Variants in NCAM1 observed in about 807,000 individuals in gnomAD.
NCAM1 encodes antigen recognized by monoclonal antibody 5.1H11.
In NCAM1, 14 loss-of-function variants were observed where a neutral mutation model predicts 109.8. The observed-to-expected ratio is 0.13, with a 90% CI of 0.08 to 0.20. NCAM1 has a LOEUF of 0.20. NCAM1 is among the 10% of genes least tolerant of loss of function. The pLI is 1.00. For synonymous variants in NCAM1, 418 were observed against 442.9 expected (o/e 0.94, Z 0.70); for missense variants, 774 against 1,109.9 (o/e 0.70, Z 4.30).
chr11:113,026,607 A>T (rs1952553437), intron 1 of NCAM1, among the ~76,000 whole-genome samples: 1 of 152,188 alleles, frequency 6.6e-6, no homozygotes, highest in Non-Finnish European at 1.5e-5. Context: ...AAGGTGCTGG[A>T]CACTTTAAAA....
intron 15 of NCAM1, among the ~76,000 whole-genome samples, chr11:113,250,820 G>A (rs1945655215): frequency 6.6e-6 from 1 of 152,170 alleles, no homozygotes; most frequent in Non-Finnish European, 1.5e-5. Flanking sequence ...TTTCTTTTGA[G>A]GCTGAGTCTC....
chr11:113,149,180 G>A (rs2136252841), intron 1 of NCAM1, among the ~76,000 whole-genome samples: 1 of 152,286 alleles, frequency 6.6e-6, no homozygotes, highest in Non-Finnish European at 1.5e-5. Context: ...GACCCGGGGT[G>A]GGGCCTGCCA....
At chr11:113,013,657 T>C (rs1458307236) in intron 1 of NCAM1, among the ~76,000 whole-genome samples, 1 of 152,152 alleles carries the variant, frequency 6.6e-6, no homozygotes, top group Non-Finnish European at 1.5e-5. Context: ...CAGGTTTGAC[T>C]CAGGATTTTA....
chr11:113,166,122 C>T (rs192967231), intron 1 of NCAM1, among the ~76,000 whole-genome samples: 287 of 152,258 alleles, frequency 1.9e-3, no homozygotes, highest in African/African-American at 6.4e-3. Flanking sequence ...TGAGCCACCG[C>T]GCCCGGGCAA....
intron 1 of NCAM1, among the ~76,000 whole-genome samples, chr11:113,108,597 A>T (rs1940275145): frequency 6.6e-6 from 1 of 152,122 alleles, no homozygotes; most frequent in South Asian, 2.1e-4. Context: ...TTCTTTGTTA[A>T]CCTGAAAGCA....
At chr11:113,121,537 CAAAAAAAAAAA>C (rs3051887) in intron 1 of NCAM1, among the ~76,000 whole-genome samples, 1 of 92,430 alleles carries the variant, frequency 1.1e-5, no homozygotes, top group Admixed American at 1.3e-4. Context: ...ACCAATCTTA[CAAAAAAAAAAA>C]AAAAAAAAAA....
At chr11:113,099,843 C>T (rs1939787797) in intron 1 of NCAM1, among the ~76,000 whole-genome samples, 2 of 152,152 alleles carry the variant, frequency 1.3e-5, no homozygotes, top group African/African-American at 4.8e-5. Context: ...CACATGCCAC[C>T]ATGCCCAGCT....
chr11:113,243,677 C>T (rs1287201068), intron 14 of NCAM1: 2 of 487,408 alleles, frequency 4.1e-6, no homozygotes, highest in South Asian at 1.5e-5. Context: ...CGTGCATGTT[C>T]ATAGTGTTCA....
At chr11:113,058,772 G>T (rs1256969855) in intron 1 of NCAM1, among the ~76,000 whole-genome samples, 14 of 152,158 alleles carry the variant, frequency 9.2e-5, no homozygotes, top group African/African-American at 3.1e-4. Flanking sequence ...AACTGCAACT[G>T]CTTTCATAGC....
intron 1 of NCAM1, among the ~76,000 whole-genome samples, chr11:113,050,677 G>T (rs1287421442): frequency 6.8e-6 from 1 of 146,472 alleles, no homozygotes; most frequent in African/African-American, 2.5e-5. Flanking sequence ...GTAAAAAAAT[G>T]TAGTTCGATA....
Position 113,117,999 on chromosome 11 carries a change from G to A in NCAM1, c.53-84380G>A, listed in dbSNP as rs1435060687. 1.8e-4 allele frequency among the ~76,000 whole-genome samples: 28 copies of A among 152,082 alleles called. 1 individual carries two copies. Among genetic ancestry groups the A allele is most frequent in the African/African-American group, 6.5e-4 (27 of 41,370 alleles). ...AGTGAAGTGATTAATAGCACGGATT[G>A]AAAGAAGTTATTTTAAAAAGTGCAT... On this transcript the variant is annotated intron_variant, in intron 1 of 19. Coordinates refer to ENST00000316851, the MANE Select transcript of NCAM1 (RefSeq NM_181351.5).
At chr11:113,115,735 T>G (rs2135988519) in intron 1 of NCAM1, among the ~76,000 whole-genome samples, 1 of 152,360 alleles carries the variant, frequency 6.6e-6, no homozygotes, top group Non-Finnish European at 1.5e-5. Context: ...AGGCTTTATT[T>G]ACATGCACTA....
intron 1 of NCAM1, among the ~76,000 whole-genome samples, chr11:113,100,144 T>A (rs2135851884): frequency 6.6e-6 from 1 of 152,298 alleles, no homozygotes; most frequent in South Asian, 2.1e-4. Flanking sequence ...TTTCATCTCT[T>A]AACTCATCCT....
intron 1 of NCAM1, among the ~76,000 whole-genome samples, chr11:113,099,440 C>T (rs1555091100): frequency 6.6e-6 from 1 of 152,184 alleles, no homozygotes; most frequent in Non-Finnish European, 1.5e-5. Context: ...GTTGTTCTCT[C>T]ACATTCGCCA....
intron 1 of NCAM1, among the ~76,000 whole-genome samples, chr11:113,196,347 G>A (rs546366969): frequency 6.4e-4 from 98 of 152,278 alleles, no homozygotes; most frequent in Non-Finnish European, 1.3e-3. Context: ...TATCTGAGAT[G>A]TTCTGACCAG....
chr11:113,212,573 A>C (rs1187235872), intron 7 of NCAM1, among the ~76,000 whole-genome samples: 2 of 152,166 alleles, frequency 1.3e-5, no homozygotes, highest in Non-Finnish European at 2.9e-5. Context: ...CCCCAAATTC[A>C]GCCTTCCTGG....
chr11:113,220,406 C>A (rs1555115063), intron 8 of NCAM1, among the ~76,000 whole-genome samples: 1 of 152,128 alleles, frequency 6.6e-6, no homozygotes, highest in East Asian at 1.9e-4. Context: ...CTCCTGGTCT[C>A]AAGGACTTCA....
At chr11:113,114,753 C>T (rs1490943799) in intron 1 of NCAM1, among the ~76,000 whole-genome samples, 1 of 152,192 alleles carries the variant, frequency 6.6e-6, no homozygotes, top group Non-Finnish European at 1.5e-5. Context: ...GCAGTCATAA[C>T]CTTTTACTCA....
chr11:113,005,610 C>G (rs1555073181), intron 1 of NCAM1, among the ~76,000 whole-genome samples: 2 of 152,150 alleles, frequency 1.3e-5, no homozygotes, highest in African/African-American at 4.8e-5. Flanking sequence ...GTCTCCCATT[C>G]AGTTTCTGTT....
Sources: allele counts gnomAD v4.1 joint callset (sites outside exome capture counted in the v4.1 genomes callset), GRCh38; gene constraint gnomAD v4.1.1; transcripts MANE v1.5; gene names NCBI Gene and HGNC (gene_info 2026-07-23, HGNC 2026-07-21).